PBX1: variants seen among roughly 807,000 people sequenced by gnomAD.
PBX1 encodes the protein pre-B-cell leukemia transcription factor 1.
Under a neutral mutation model 53.4 loss-of-function variants are expected in PBX1, and 6 were observed. The observed-to-expected ratio is 0.11, with a 90% CI of 0.06 to 0.22. The LOEUF is 0.22. PBX1 is among the 10% of genes least tolerant of loss of function. The pLI, the probability that PBX1 is intolerant of heterozygous loss-of-function variation, is 1.00. For synonymous variants in PBX1, 204 were observed against 212.3 expected, an observed-to-expected ratio of 0.96 and a Z score of 0.34; for missense variants, 251 against 551.4, an observed-to-expected ratio of 0.46 and a Z score of 5.46.
intron 2 of PBX1, among the ~76,000 whole-genome samples, chr1:164,731,204 A>G (rs1392231723): frequency 6.6e-6 from 1 of 151,760 alleles, no homozygotes; most frequent in Non-Finnish European, 1.5e-5. Flanking sequence ...TAAGAGGATG[A>G]CCTACTTGAC....
At chr1:164,646,858 G>A (rs1659483232) in intron 2 of PBX1, among the ~76,000 whole-genome samples, 1 of 152,242 alleles carries the variant, frequency 6.6e-6, no homozygotes. Context: ...GTCAGGATGT[G>A]TAGTGGAATG....
chr1:164,818,833 CT>C (rs1226816553), intron 6 of PBX1: 1 of 152,032 alleles, frequency 6.6e-6, no homozygotes, highest in Admixed American at 6.5e-5. Flanking sequence ...CTCTCTTCTG[CT>C]TAGCTGCACC....
intron 2 of PBX1, among the ~76,000 whole-genome samples, chr1:164,763,099 A>G (rs1666890945): frequency 6.6e-6 from 1 of 152,248 alleles, no homozygotes; most frequent in South Asian, 2.1e-4. Context: ...CAAAATCACA[A>G]TTCAAGTCCA....
intron 1 of PBX1, among the ~76,000 whole-genome samples, chr1:164,560,979 T>C (rs1436880141): frequency 1.3e-5 from 2 of 152,226 alleles, no homozygotes; most frequent in Admixed American, 6.5e-5. Context: ...CTGCCAGGTA[T>C]ATGGTTCTCT....
At chr1:164,832,491 T>C (rs1049761780) in intron 8 of PBX1, among the ~76,000 whole-genome samples, 1 of 152,222 alleles carries the variant, frequency 6.6e-6, no homozygotes, top group African/African-American at 2.4e-5. Flanking sequence ...GATCAAGTGT[T>C]ACTTCGCTGA....
chr1:164,616,896 T>C (rs1251228719), intron 2 of PBX1, among the ~76,000 whole-genome samples: 1 of 152,216 alleles, frequency 6.6e-6, no homozygotes, highest in Admixed American at 6.5e-5. Flanking sequence ...GATTTACAGA[T>C]TTTGAGACTG....
intron 2 of PBX1, among the ~76,000 whole-genome samples, chr1:164,698,544 A>G (rs185315002): frequency 1.5e-3 from 221 of 152,132 alleles, no homozygotes; most frequent in Admixed American, 3.5e-3. Flanking sequence ...CTCGGCATTC[A>G]GGACTCAATG....
chr1:164,739,745 G>T (rs974994408), intron 2 of PBX1, among the ~76,000 whole-genome samples: 10 of 148,470 alleles, frequency 6.7e-5, no homozygotes, highest in Non-Finnish European at 1.3e-4. Flanking sequence ...TTCATGAAGT[G>T]GTTGTGCATG....
intron 8 of PBX1, among the ~76,000 whole-genome samples, chr1:164,840,973 C>A (rs903320880): frequency 3.3e-5 from 5 of 152,130 alleles, no homozygotes; most frequent in Non-Finnish European, 7.4e-5. Flanking sequence ...TCATCCTATG[C>A]CTCTCCAAGA....
chr1:164,679,393 G>A (rs1477979769), intron 2 of PBX1, among the ~76,000 whole-genome samples: 1 of 152,204 alleles, frequency 6.6e-6, no homozygotes, highest in African/African-American at 2.4e-5. Context: ...CTGGGTGGGA[G>A]GGGTGCTGTC....
intron 2 of PBX1, among the ~76,000 whole-genome samples, chr1:164,676,962 G>GCCTAGTTT (rs1661465778): frequency 6.6e-6 from 1 of 152,044 alleles, no homozygotes; most frequent in Non-Finnish European, 1.5e-5. Flanking sequence ...AGGATTCTTG[G>GCCTAGTTT]CCTAGTTTCT....
At chr1:164,636,737 A>T (rs1658806438) in intron 2 of PBX1, among the ~76,000 whole-genome samples, 1 of 152,156 alleles carries the variant, frequency 6.6e-6, no homozygotes, top group South Asian at 2.1e-4. Flanking sequence ...GTAACACTGG[A>T]GCCCTTGGCC....
chr1:164,571,918 C>CATATATATATTT (rs1557867060), intron 2 of PBX1, among the ~76,000 whole-genome samples: 2 of 42,342 alleles, frequency 4.7e-5, no homozygotes, highest in Non-Finnish European at 9.0e-5. Context: ...TATATATATG[C>CATATATATATTT]TTTTTTTTTT....
At chr1:164,738,337 G>A (rs1188707471) in intron 2 of PBX1, among the ~76,000 whole-genome samples, 1 of 152,196 alleles carries the variant, frequency 6.6e-6, no homozygotes, top group Non-Finnish European at 1.5e-5. Flanking sequence ...AGGCTGGAGT[G>A]CAGTGATACA....
At chr1:164,746,091 A>C (rs1446718108) in intron 2 of PBX1, among the ~76,000 whole-genome samples, 2 of 152,250 alleles carry the variant, frequency 1.3e-5, no homozygotes. Context: ...TAAGTATTTC[A>C]AAATGAAGTG....
At chr1:164,831,891 A>C (rs1226915399) in intron 8 of PBX1, among the ~76,000 whole-genome samples, 1 of 152,190 alleles carries the variant, frequency 6.6e-6, no homozygotes, top group Non-Finnish European at 1.5e-5. Flanking sequence ...CATTGCTAGA[A>C]AGGCCAATTT....
intron 2 of PBX1, among the ~76,000 whole-genome samples, chr1:164,735,141 TCAC>T (rs1665197631): frequency 6.6e-6 from 1 of 152,336 alleles, no homozygotes; most frequent in East Asian, 1.9e-4. Context: ...CATACTTTTA[TCAC>T]CACAATTATT....
intron 2 of PBX1, among the ~76,000 whole-genome samples, chr1:164,663,825 G>T (rs1017054966): frequency 6.6e-5 from 10 of 152,200 alleles, no homozygotes; most frequent in Non-Finnish European, 1.3e-4. Flanking sequence ...AACTTTCATA[G>T]TAGAGCTATG....
chr1:164,823,853 G>C (rs1469279128), intron 8 of PBX1, among the ~76,000 whole-genome samples: 3 of 152,032 alleles, frequency 2.0e-5, no homozygotes, highest in Non-Finnish European at 4.4e-5. Flanking sequence ...TGAATCAAAG[G>C]CTGATCGTGA....
Sources: allele counts gnomAD v4.1 joint callset (sites outside exome capture counted in the v4.1 genomes callset), GRCh38; gene constraint gnomAD v4.1.1; transcripts MANE v1.5; gene names NCBI Gene and HGNC (gene_info 2026-07-23, HGNC 2026-07-21).